Variants in POLR3G observed in about 807,000 individuals in gnomAD.
The protein encoded by POLR3G is RNA polymerase III subunit G.
In POLR3G, 28 loss-of-function variants were observed where a neutral mutation model predicts 30.1. The observed-to-expected ratio is 0.93, with a 90% CI of 0.69 to 1.27. POLR3G has a LOEUF of 1.27. Ranked by LOEUF, POLR3G falls within the 50% of genes most tolerant of loss-of-function variation. POLR3G has a pLI of 0.00. For synonymous variants in POLR3G, 79 were observed against 82.5 expected, an observed-to-expected ratio of 0.96 and a Z score of 0.23; for missense variants, 254 against 264.6, an observed-to-expected ratio of 0.96 and a Z score of 0.28.
At chr5:90,497,810 C>A in intron 5 of POLR3G, 104 bp downstream of exon 5, 1 of 1,332,370 alleles carries the variant, frequency 7.5e-7, no homozygotes, top group Non-Finnish European at 1.0e-6. Flanking sequence ...GTTCTTAATG[C>A]TTTTCTTATT....
intron 1 of POLR3G, among the ~76,000 whole-genome samples, chr5:90,481,273 G>A (rs1184894457): frequency 6.7e-6 from 1 of 150,180 alleles, no homozygotes; most frequent in East Asian, 2.0e-4. Flanking sequence ...GAGACTTTAT[G>A]TTCATCTTGA....
At chr5:90,496,947 C>A (rs1481193473) in intron 4 of POLR3G, among the ~76,000 whole-genome samples, 1 of 152,092 alleles carries the variant, frequency 6.6e-6, no homozygotes, top group African/African-American at 2.4e-5. Context: ...ATATTCAAAG[C>A]AAAATTTATT....
At chr5:90,492,123 A>T (rs1268787262) in intron 3 of POLR3G, among the ~76,000 whole-genome samples, 1 of 152,228 alleles carries the variant, frequency 6.6e-6, no homozygotes, top group Non-Finnish European at 1.5e-5. Flanking sequence ...AGCTCTCTGG[A>T]TGCTCATGAT....
chr5:90,511,340 G>A (rs554452587), intron 7 of POLR3G, among the ~76,000 whole-genome samples: 52 of 64,512 alleles, frequency 8.1e-4, no homozygotes, highest in Admixed American at 3.6e-3. Flanking sequence ...CAAAAAGTTT[G>A]TTTGTTCCAA....
Position 90,514,402 on chromosome 5 carries a change from C to T in POLR3G, c.*2263C>T, listed in dbSNP as rs965558800. 3 of 151,978 alleles carry T rather than the reference C, an allele frequency of 2.0e-5. No homozygotes were observed. Among genetic ancestry groups the T allele is most frequent in the Non-Finnish European group, 1.5e-5 (1 of 67,986 alleles). 9.4% of individuals were successfully genotyped at this position (151,978 alleles called of 1,614,324 possible). A position where few individuals can be genotyped will look rare whatever the true frequency, so the allele number is the denominator to read the frequency against. On this transcript the variant is annotated 3_prime_UTR_variant, in exon 8 of 8. Transcript: ENST00000651687. ...AAATTCTTACAAAACAAAATGTGTT[C>T]GTTTGTTTTATAGTAAGATGTTTTA...
intron 1 of POLR3G, among the ~76,000 whole-genome samples, chr5:90,479,743 G>GT (rs1751032580): frequency 6.6e-6 from 1 of 152,140 alleles, no homozygotes; most frequent in Admixed American, 6.5e-5. Flanking sequence ...GGCAGAGGGA[G>GT]TAAGTTGCAG....
upstream of POLR3G, chr5:90,474,736 G>C: frequency 5.2e-6 from 1 of 193,650 alleles, no homozygotes; most frequent in Non-Finnish European, 1.1e-5. Flanking sequence ...CGCACTCCCA[G>C]CTGGCGCAGA....
intron 7 of POLR3G, among the ~76,000 whole-genome samples, chr5:90,508,930 G>C (rs767229816): frequency 6.6e-6 from 1 of 152,060 alleles, no homozygotes. Flanking sequence ...GCGTGGTGGC[G>C]GGTGCCTGTA....
chr5:90,507,577 T>G (rs182804680), intron 7 of POLR3G, among the ~76,000 whole-genome samples: 16 of 152,310 alleles, frequency 1.1e-4, no homozygotes, highest in African/African-American at 3.6e-4. Context: ...GATTCTCATT[T>G]CTACTTCTGT....
chr5:90,501,695 A>T (rs998597184), intron 5 of POLR3G, among the ~76,000 whole-genome samples: 1 of 152,212 alleles, frequency 6.6e-6, no homozygotes, highest in Non-Finnish European at 1.5e-5. Context: ...TAAAAAAAAA[A>T]ATCCTACTAC....
chr5:90,496,097 G>A (rs1751975079), intron 4 of POLR3G, among the ~76,000 whole-genome samples: 1 of 151,574 alleles, frequency 6.6e-6, no homozygotes, highest in South Asian at 2.1e-4. Flanking sequence ...TCAGCCTCCC[G>A]AGTAGCTGGG....
chr5:90,512,069 A>G lies in POLR3G; in HGVS notation c.602A>G (p.Asn201Ser). ...TTCACTTAGGAAAATGACTACATTAATTCATACTTTGAAGATGGAGATGAT... is the reference window on the plus strand; with the variant it reads ...TTCACTTAGGAAAATGACTACATTAGTTCATACTTTGAAGATGGAGATGAT... ...EEQEEENDYI[N>S]SYFEDGDDFG... Residue 201 changes from asparagine to serine, a missense_variant, in exon 8 of 8, where the codon AAT (asparagine) becomes AGT (serine). Transcript: ENST00000651687. 6.2e-7 allele frequency: 1 copy of G among 1,602,814 alleles called. No individual in the cohort carries two copies. The highest frequency in any genetic ancestry group is 1.1e-5 in the South Asian group (1 of 90,778).
intron 1 of POLR3G, among the ~76,000 whole-genome samples, chr5:90,483,828 A>G (rs1751272703): frequency 6.6e-6 from 1 of 152,236 alleles, no homozygotes; most frequent in Non-Finnish European, 1.5e-5. Flanking sequence ...TTGCAAATGA[A>G]TTAAAACTTG....
chr5:90,499,894 GTTT>G (rs1478822500), intron 5 of POLR3G, among the ~76,000 whole-genome samples: 1 of 151,814 alleles, frequency 6.6e-6, no homozygotes, highest in African/African-American at 2.4e-5. Context: ...TATACCGTTG[GTTT>G]TTATTGGGCA....
intron 3 of POLR3G, among the ~76,000 whole-genome samples, chr5:90,494,354 T>C (rs977219416): frequency 2.6e-5 from 4 of 152,226 alleles, no homozygotes; most frequent in South Asian, 2.1e-4. Flanking sequence ...ACATGAGTTA[T>C]CTTGTCATAA....
chr5:90,488,911 G>T (rs1478701856), intron 3 of POLR3G, among the ~76,000 whole-genome samples: 1 of 152,180 alleles, frequency 6.6e-6, no homozygotes, highest in Non-Finnish European at 1.5e-5. Flanking sequence ...CCATTCCTGA[G>T]TAGCTGTTTA....
intron 3 of POLR3G, among the ~76,000 whole-genome samples, chr5:90,495,382 C>T (rs1038004748): frequency 5.3e-5 from 8 of 152,070 alleles, no homozygotes; most frequent in African/African-American, 1.2e-4. Context: ...AATCAAGAGC[C>T]GCAGTTATGG....
Position 90,501,970 on chromosome 5 carries a change from T to A in POLR3G, c.420T>A (p.Asp140Glu). The A allele has an allele frequency of 6.2e-7, 1 of 1,612,912 alleles. No individual in the cohort carries two copies. The highest frequency in any genetic ancestry group is 8.5e-7 in the Non-Finnish European group (1 of 1,179,350). Residue 140 changes from aspartate (D) to glutamate (E), a missense_variant, in exon 6 of 8, where the codon GAT becomes GAA. By Grantham distance (45) the Asp-to-Glu change is conservative. Coordinates refer to ENST00000651687, the MANE Select transcript of POLR3G (RefSeq NM_006467.3). ...GKGTPLTNTE[D>E]VLKKMEELEK... ...GCACACCACTCACTAATACTGAAGA[T>A]GTGTTGAAAAAAATGGAGGTAAGGT...
chr5:90,491,541 T>G (rs1224112683), intron 3 of POLR3G, among the ~76,000 whole-genome samples: 1 of 152,174 alleles, frequency 6.6e-6, no homozygotes, highest in African/African-American at 2.4e-5. Context: ...GTTTTTTTTT[T>G]TTGGAGCAGT....
Sources: allele counts gnomAD v4.1 joint callset (sites outside exome capture counted in the v4.1 genomes callset), GRCh38; gene constraint gnomAD v4.1.1; transcripts MANE v1.5; gene names NCBI Gene and HGNC (gene_info 2026-07-23, HGNC 2026-07-21).